CENPP: variants seen among roughly 807,000 people sequenced by gnomAD.
The protein encoded by CENPP is centromere protein P.
In CENPP, 24 loss-of-function variants were observed where a neutral mutation model predicts 35.6. That is an observed-to-expected ratio of 0.67 (90% CI 0.49 to 0.95). CENPP has a LOEUF of 0.95. Ranked by LOEUF, CENPP falls within the 40% of genes least tolerant of loss-of-function variation. The pLI is 0.00. For missense variants in CENPP, 332 were observed against 345.3 expected, an observed-to-expected ratio of 0.96 and a Z score of 0.31; for synonymous variants, 120 against 125.5, an observed-to-expected ratio of 0.96 and a Z score of 0.29.
intron 5 of CENPP, among the ~76,000 whole-genome samples, chr9:92,488,230 T>G (rs1846105978): frequency 2.0e-5 from 3 of 152,220 alleles, no homozygotes; most frequent in African/African-American, 7.2e-5. Flanking sequence ...AACTTAAACT[T>G]TTCTGTGGCC....
chr9:92,542,779 T>G (rs1849345498), intron 5 of CENPP, among the ~76,000 whole-genome samples: 1 of 152,198 alleles, frequency 6.6e-6, no homozygotes, highest in Non-Finnish European at 1.5e-5. Context: ...CCCAAAGCGC[T>G]GGGATTACAG....
At chr9:92,567,263 A>G (rs1012353505) in intron 5 of CENPP, among the ~76,000 whole-genome samples, 10 of 151,698 alleles carry the variant, frequency 6.6e-5, no homozygotes, top group African/African-American at 2.4e-4. Context: ...TATTGTAACA[A>G]CTGTTTGTGA....
intron 5 of CENPP, chr9:92,610,770 C>T (rs1351751408): frequency 6.4e-6 from 1 of 156,082 alleles, no homozygotes; most frequent in Non-Finnish European, 1.4e-5. Flanking sequence ...CTGCCCATGC[C>T]CAGGACGGTG....
At chr9:92,490,902 A>G (rs2131120503) in intron 5 of CENPP, among the ~76,000 whole-genome samples, 1 of 152,302 alleles carries the variant, frequency 6.6e-6, no homozygotes, top group South Asian at 2.1e-4. Flanking sequence ...AAAATCCTTA[A>G]ATTTTGCAGG....
At chr9:92,334,062 A>G (rs1327160795) in intron 2 of CENPP, among the ~76,000 whole-genome samples, 1 of 151,492 alleles carries the variant, frequency 6.6e-6, no homozygotes, top group Non-Finnish European at 1.5e-5. Context: ...CGGTTTACAA[A>G]CTAAGTAATG....
intron 1 of CENPP, among the ~76,000 whole-genome samples, chr9:92,329,797 C>T (rs1472527751): frequency 6.6e-6 from 1 of 152,132 alleles, no homozygotes; most frequent in Non-Finnish European, 1.5e-5. Flanking sequence ...GTCTTGAACT[C>T]CTGGGCTGCC....
At chr9:92,522,777 C>T (rs746827775) in intron 5 of CENPP, 1 of 1,613,900 alleles carries the variant, frequency 6.2e-7, no homozygotes, top group Non-Finnish European at 8.5e-7. Context: ...AGATCTTCCT[C>T]CTTTGCTTCC....
At chr9:92,389,128 T>A (rs1842563244) in intron 5 of CENPP, among the ~76,000 whole-genome samples, 1 of 152,172 alleles carries the variant, frequency 6.6e-6, no homozygotes, top group African/African-American at 2.4e-5. Flanking sequence ...AACCTTGCCT[T>A]TTGAATGAGA....
chr9:92,594,295 C>T (rs909714507), intron 5 of CENPP, among the ~76,000 whole-genome samples: 2 of 152,142 alleles, frequency 1.3e-5, no homozygotes, highest in Admixed American at 1.3e-4. Context: ...AGTGGGATCA[C>T]GGGGAACCTA....
chr9:92,502,765 C>T, intron 5 of CENPP: 7 of 728,738 alleles, frequency 9.6e-6, no homozygotes, highest in South Asian at 2.6e-5. Flanking sequence ...TCTAAAGAGT[C>T]TTACTGCTCT....
At chr9:92,431,781 G>T (rs900190475) in intron 5 of CENPP, among the ~76,000 whole-genome samples, 1 of 151,960 alleles carries the variant, frequency 6.6e-6, no homozygotes, top group Non-Finnish European at 1.5e-5. Context: ...CACCACATTG[G>T]CTAGGGTGGT....
In CENPP at chr9:92,476,622, G is replaced by A. The variant is rs1845723332; in HGVS notation, c.564+96763G>A. On this transcript the variant is annotated intron_variant, in intron 5 of 7. Coordinates refer to ENST00000375587, the MANE Select transcript of CENPP (RefSeq NM_001012267.3). This position sits in a 1 kb window ranked among gnomAD's most constrained non-coding sequence, Gnocchi z 4.1. ...AGGTTACAGGACAGATCTGAGAATGGCAAGAGTTTTTTATATTTTAATAAT... is the reference window on the plus strand; with the variant it reads ...AGGTTACAGGACAGATCTGAGAATGACAAGAGTTTTTTATATTTTAATAAT... 6.6e-6 allele frequency among the ~76,000 whole-genome samples: 1 copy of A among 152,160 alleles called. No homozygotes were observed. Among genetic ancestry groups the A allele is most frequent in the African/African-American group, 2.4e-5 (1 of 41,438 alleles).
chr9:92,449,455 AAAAAAAAAAAAAAAAAAAAAAAAT>A (rs1844641898), intron 5 of CENPP, among the ~76,000 whole-genome samples: 2 of 124,200 alleles, frequency 1.6e-5, no homozygotes, highest in African/African-American at 6.0e-5. Context: ...AAAAAAAAAA[AAAAAAAAAAAAAAAAAAAAAAAAT>A]ACCAGATATA....
chr9:92,385,692 A>C (rs1842389773), intron 5 of CENPP: 1 of 1,614,156 alleles, frequency 6.2e-7, no homozygotes, highest in African/African-American at 1.3e-5. Flanking sequence ...GGACGATTGG[A>C]TTGCCCTCCA....
At chr9:92,441,147 T>C (rs913828066) in intron 5 of CENPP, among the ~76,000 whole-genome samples, 1 of 152,244 alleles carries the variant, frequency 6.6e-6, no homozygotes, top group Non-Finnish European at 1.5e-5. Flanking sequence ...TTATTAGTCA[T>C]ACTTTTGGAT....
chr9:92,466,613 T>C (rs778120761), intron 5 of CENPP: 1 of 1,520,442 alleles, frequency 6.6e-7, no homozygotes, highest in South Asian at 1.1e-5. Context: ...AGGAAGTGGA[T>C]TTGATTTACC....
intron 5 of CENPP, chr9:92,600,364 C>T: frequency 1.3e-6 from 2 of 1,562,110 alleles, no homozygotes; most frequent in Admixed American, 2.0e-5. Context: ...TTTAAAAATG[C>T]CATTGGGATA....
rs1201360086 is a variant in CENPP at position 92,372,052 on chromosome 9, A to AG, written c.468-7711_468-7710insG. 1.2e-4 allele frequency among the ~76,000 whole-genome samples: 18 copies of AG among 149,300 alleles called. 1 individual carries two copies. The East Asian group carries it at 3.2e-3, about 26-fold the overall frequency. On this transcript the variant is annotated intron_variant, in intron 4 of 7. Coordinates refer to ENST00000375587, the MANE Select transcript of CENPP (RefSeq NM_001012267.3). ...AGTGAGACTCCATCTAAAAAAAAAA[A>AG]AAAAAAAAGTGCTGGGATTACAGGT...
intron 5 of CENPP, among the ~76,000 whole-genome samples, chr9:92,411,503 C>G (rs753410634): frequency 3.3e-5 from 5 of 151,558 alleles, no homozygotes; most frequent in Non-Finnish European, 7.4e-5. Flanking sequence ...CCATGTTGCC[C>G]AGGCTGGTCT....
Sources: gnomAD v4.1 joint callset for allele counts (sites outside exome capture counted in the v4.1 genomes callset) on GRCh38, gnomAD v4.1.1 for gene constraint, Gnocchi (gnomAD v3.1) non-coding constraint, MANE v1.5 for transcripts, NCBI Gene and HGNC (gene_info 2026-07-23, HGNC 2026-07-21) for gene names.